GTF2A2: variants seen among roughly 807,000 people sequenced by gnomAD.
The protein encoded by GTF2A2 is transcription initiation factor IIA subunit 2.
A neutral mutation model predicts 14.3 loss-of-function variants in GTF2A2; 9 were observed. The observed-to-expected ratio is 0.63, with a 90% confidence interval of 0.38 to 1.10. The LOEUF (loss-of-function observed/expected upper bound fraction) is 1.10, where lower values mean the gene tolerates loss of function less well. Ranked by LOEUF, GTF2A2 falls within the 50% of genes least tolerant of loss-of-function variation. The pLI is 0.01. For missense variants in GTF2A2, 90 were observed against 124.6 expected (o/e 0.72, Z 1.32); for synonymous variants, 56 against 46.0 (o/e 1.22, Z -0.88).
chr15:59,639,157 T>G lies in GTF2A2; in HGVS notation c.305A>C (p.Asn102Thr). The G allele has an allele frequency of 1.4e-6, 2 of 1,455,324 alleles. No homozygotes were observed. Among genetic ancestry groups the G allele is most frequent in the Non-Finnish European group, 1.9e-6 (2 of 1,039,134 alleles). 90.2% of individuals were successfully genotyped at this position (1,455,324 alleles called of 1,614,324 possible). The change falls in exon 5 of 5, where the codon AAT (asparagine) becomes ACT (threonine). Residue 102 changes from asparagine (N) to threonine (T), a missense_variant and splice_region_variant. Asn to Thr is a moderately conservative substitution (Grantham distance 65). Coordinates refer to ENST00000396060, the MANE Select transcript of GTF2A2 (RefSeq NM_004492.3). ...TCATTCTGTAGTATTGGAGCCAGTATCTAGGAAACAAAAGAGAAAGTAAAG... is the reference window on the plus strand; with the variant it reads ...TCATTCTGTAGTATTGGAGCCAGTAGCTAGGAAACAAAAGAGAAAGTAAAG... The part of the protein sequence containing the change: ...KVKIVACDGK[N>T]TGSNTTE
At chr15:59,654,155 C>T (rs1306939907) in intron 1 of GTF2A2, among the ~76,000 whole-genome samples, 3 of 152,158 alleles carry the variant, frequency 2.0e-5, no homozygotes, top group Admixed American at 1.3e-4. Flanking sequence ...TCAAAACCAC[C>T]AATGGCAGCA....
chr15:59,639,230 G>A (rs2306354), intron 4 of GTF2A2, 73 bp from the exon 5 acceptor site: 13 of 925,824 alleles, frequency 1.4e-5, no homozygotes, highest in South Asian at 1.2e-4. Context: ...ACTATTTTAA[G>A]ACTATCAAAA....
chr15:59,652,141 A>G (rs1416999687), intron 2 of GTF2A2, 65 bp downstream of exon 2: 9 of 898,390 alleles, frequency 1.0e-5, no homozygotes, highest in South Asian at 5.7e-5. Flanking sequence ...TGCCTAAGTG[A>G]TATGACAAGA....
At chr15:59,654,235 A>G (rs900543086) in intron 1 of GTF2A2, among the ~76,000 whole-genome samples, 2 of 152,140 alleles carry the variant, frequency 1.3e-5, no homozygotes, top group East Asian at 3.9e-4. Flanking sequence ...CCCAGTGCCT[A>G]CTTCCCTATC....
rs1254552409 is a variant in GTF2A2, at chr15:59,638,122, T to TC, written c.*1009dup. 1.3e-5 allele frequency: 2 copies of TC among 152,126 alleles called. No homozygotes were observed. Among genetic ancestry groups the TC allele is most frequent in the African/African-American group, 2.4e-5 (1 of 41,412 alleles). The allele number at this position is 152,126 out of a possible 1,614,324, so 9.4% of individuals were successfully genotyped here. A position where few individuals can be genotyped will look rare whatever the true frequency, so the allele number is the denominator to read the frequency against. ...ACAGTCTATATTGGCCAGGCTGGTC[T>TC]CCAACTCCTGGACTCAAGTAATCCT... On this transcript the variant is annotated 3_prime_UTR_variant, in exon 5 of 5. Coordinates refer to ENST00000396060, the MANE Select transcript of GTF2A2 (RefSeq NM_004492.3).
Position 59,638,943 on chromosome 15 carries a change from T to G in GTF2A2, c.*189A>C. 1 of 507,700 alleles carries G rather than the reference T, an allele frequency of 2.0e-6. No individual in the cohort carries two copies. Among genetic ancestry groups the G allele is most frequent in the Non-Finnish European group, 3.6e-6 (1 of 278,860 alleles). 31.4% of individuals were successfully genotyped at this position (507,700 alleles called of 1,614,324 possible). A position where few individuals can be genotyped will look rare whatever the true frequency, so the allele number is the denominator to read the frequency against. ...TTTGTCCTTAAAAAAAAGTTATGGT[T>G]TTTCATGCTGTATAATAAAGGTGAT... is the stretch of plus-strand genomic sequence containing the variant. On this transcript the variant is annotated 3_prime_UTR_variant, in exon 5 of 5. Coordinates refer to ENST00000396060, the MANE Select transcript of GTF2A2 (RefSeq NM_004492.3).
chr15:59,639,194 C>T (rs767284584), intron 4 of GTF2A2, 37 bp from the exon 5 acceptor site: 2 of 1,243,544 alleles, frequency 1.6e-6, no homozygotes, highest in Non-Finnish European at 2.4e-6. Flanking sequence ...AAAGTAAATT[C>T]AAGGAGCAAT....
intron 3 of GTF2A2, among the ~76,000 whole-genome samples, chr15:59,649,870 C>T (rs879820389): frequency 6.6e-6 from 1 of 152,050 alleles, no homozygotes. Context: ...GTTTAAGTAC[C>T]AAATGAAGTA....
At position 59,638,212 on chromosome 15, in the gene GTF2A2, G is replaced by A. The variant is rs1366824953; in HGVS notation, c.*920C>T. On this transcript the variant is annotated 3_prime_UTR_variant, in exon 5 of 5. Transcript: ENST00000396060. ...TGTGAGCCACCAGTACCTAGCCAAA[G>A]TTAGTTTTAATGTGAGAGTCAAGGA... is the stretch of plus-strand genomic sequence containing the variant. 1 of 152,134 alleles carries A rather than the reference G, an allele frequency of 6.6e-6. No individual in the cohort carries two copies. Among genetic ancestry groups the A allele is most frequent in the Non-Finnish European group, 1.5e-5 (1 of 68,026 alleles). The allele number at this position is 152,134 out of a possible 1,614,324, so 9.4% of individuals were successfully genotyped here. A position where few individuals can be genotyped will look rare whatever the true frequency, so the allele number is the denominator to read the frequency against.
Position 59,656,781 on chromosome 15 carries a change from CGTTT to C in GTF2A2, c.-50+621_-50+624del, listed in dbSNP as rs1160944747. ...ATCTAGAAAATAGCCCTGCGTTAAA[CGTTT>C]GTTAAAAGTGCTGATTTCAATGTTC... On this transcript the variant is annotated intron_variant, in intron 1 of 4. Coordinates refer to ENST00000396060, the MANE Select transcript of GTF2A2 (RefSeq NM_004492.3). The C allele has an allele frequency of 2.6e-5, 4 of 152,262 alleles. 1 individual carries two copies. In the South Asian group the frequency reaches 6.2e-4, roughly 24 times the overall value. The allele number at this position is 152,262 out of a possible 1,614,324, so 9.4% of individuals were successfully genotyped here. A position where few individuals can be genotyped will look rare whatever the true frequency, so the allele number is the denominator to read the frequency against.
At chr15:59,650,617 G>A in intron 3 of GTF2A2, 52 bp downstream of exon 3, 1 of 994,476 alleles carries the variant, frequency 1.0e-6, no homozygotes, top group Non-Finnish European at 1.6e-6. Flanking sequence ...AAAAAAATCA[G>A]TGTTTTAACA....
intron 4 of GTF2A2, among the ~76,000 whole-genome samples, 158 bp downstream of exon 4, chr15:59,641,978 T>C (rs989082256): frequency 9.9e-5 from 15 of 152,242 alleles, no homozygotes; most frequent in African/African-American, 2.9e-4. Flanking sequence ...GTTTGAGATA[T>C]GTAATCAGAA....
At chr15:59,645,838 C>T (rs1490290374) in intron 3 of GTF2A2, among the ~76,000 whole-genome samples, 1 of 151,844 alleles carries the variant, frequency 6.6e-6, no homozygotes, top group Non-Finnish European at 1.5e-5. Context: ...AGTTCAAGAC[C>T]AGCCTGGCCA....
At position 59,639,709 on chromosome 15, in the gene GTF2A2, C is replaced by T. The variant is rs531696424; in HGVS notation, c.305-552G>A. 8.6e-5 allele frequency among the ~76,000 whole-genome samples: 13 copies of T among 151,894 alleles called. No individual in the cohort carries two copies. In the East Asian group the frequency reaches 9.7e-4, roughly 11 times the overall value. Reference sequence around the variant, plus strand: ...TCCTGACCTCGTGATCTGCCCGCCTCGGCATCCCAAAGTGCTGGCATTAGA... The same window carrying T: ...TCCTGACCTCGTGATCTGCCCGCCTTGGCATCCCAAAGTGCTGGCATTAGA... On this transcript the variant is annotated intron_variant, in intron 4 of 4. Transcript: ENST00000396060.
chr15:59,656,579 T>C (rs1279827949), intron 1 of GTF2A2, among the ~76,000 whole-genome samples: 1 of 151,724 alleles, frequency 6.6e-6, no homozygotes, highest in Non-Finnish European at 1.5e-5. Flanking sequence ...TGGCACACAA[T>C]AGGAGCCAAA....
intron 2 of GTF2A2, 109 bp downstream of exon 2, chr15:59,652,097 C>A: frequency 1.5e-6 from 1 of 674,882 alleles, no homozygotes; most frequent in South Asian, 1.8e-5. Context: ...CTTGCTGGGT[C>A]AAATAGTCCA....
At chr15:59,644,083 C>T (rs971034923) in intron 3 of GTF2A2, among the ~76,000 whole-genome samples, 13 of 147,816 alleles carry the variant, frequency 8.8e-5, no homozygotes, top group Non-Finnish European at 1.5e-4. Flanking sequence ...TTAGTAGAGG[C>T]GGGGTTTTGC....
At chr15:59,640,892 C>A (rs1165561869) in intron 4 of GTF2A2, among the ~76,000 whole-genome samples, 4 of 152,010 alleles carry the variant, frequency 2.6e-5, no homozygotes, top group African/African-American at 7.2e-5. Flanking sequence ...TATCTAATGA[C>A]TATAATAAAA....
chr15:59,642,618 A>G (rs1891468312), intron 3 of GTF2A2, among the ~76,000 whole-genome samples: 1 of 152,212 alleles, frequency 6.6e-6, no homozygotes, highest in Non-Finnish European at 1.5e-5. Context: ...TACATATTTT[A>G]TTGTGTATGT....
Sources: gnomAD v4.1 joint callset for allele counts (sites outside exome capture counted in the v4.1 genomes callset) on GRCh38, gnomAD v4.1.1 for gene constraint, MANE v1.5 for transcripts, NCBI Gene and HGNC (gene_info 2026-07-23, HGNC 2026-07-21) for gene names.